Variants in TIAM2 observed in about 807,000 individuals in gnomAD.
The protein encoded by TIAM2 is rho guanine nucleotide exchange factor TIAM2.
A neutral mutation model predicts 152.9 loss-of-function variants in TIAM2; 80 were observed. The ratio of observed to expected loss-of-function variants is 0.52; its 90% CI spans 0.44 to 0.63. The LOEUF is 0.63. TIAM2 is among the 30% of genes least tolerant of loss of function. TIAM2 has a pLI of 0.00. For missense variants in TIAM2, 1,965 were observed against 2,120.1 expected, an observed-to-expected ratio of 0.93 and a Z score of 1.44; for synonymous variants, 804 against 838.0, an observed-to-expected ratio of 0.96 and a Z score of 0.70.
At chr6:155,025,434 G>C (rs1022446861) in intron 1 of TIAM2, among the ~76,000 whole-genome samples, 1 of 151,980 alleles carries the variant, frequency 6.6e-6, no homozygotes, top group Admixed American at 6.6e-5. Flanking sequence ...GCCCTCCTCA[G>C]CCTCCCAAAG....
intron 14 of TIAM2, among the ~76,000 whole-genome samples, chr6:155,192,919 C>T (rs1781243873): frequency 6.6e-6 from 1 of 152,190 alleles, no homozygotes; most frequent in Non-Finnish European, 1.5e-5. Context: ...AGGTTGGTTG[C>T]AATGCGGAAC....
chr6:155,182,212 G>C lies in TIAM2; in HGVS notation c.2708-14G>C, dbSNP rs762124280. The C allele has an allele frequency of 1.9e-6, 3 of 1,611,952 alleles. No individual in the cohort carries two copies. Among genetic ancestry groups the C allele is most frequent in the Non-Finnish European group, 2.5e-6 (3 of 1,178,586 alleles). On this transcript the variant is annotated splice_polypyrimidine_tract_variant and intron_variant, in intron 12 of 26. Transcript: ENST00000682666. ...GGGCTGAGACTTGCTTTTTCCTTTT[G>C]TTTTCATTCCTAGGGTTTGCAGTTA...
rs1222735907 is a variant in TIAM2, at chr6:155,214,699, G to A, written c.3168+3392G>A. On this transcript the variant is annotated intron_variant, in intron 15 of 26. Coordinates refer to ENST00000682666, the MANE Select transcript of TIAM2 (RefSeq NM_012454.4). This position sits in a 1 kb window ranked among gnomAD's most constrained non-coding sequence, Gnocchi z 5.4. ...TCTCTAGTGGGTTATTTAATTTTGG[G>A]AACCCAATATCATATCTAATGTTCA... Among the ~76,000 whole-genome samples, 3 of 152,138 alleles carry A rather than the reference G, an allele frequency of 2.0e-5. No individual in the cohort carries two copies. The South Asian group carries it at 6.2e-4, about 32-fold the overall frequency.
chr6:155,175,210 A>G (rs1054978788), intron 9 of TIAM2, among the ~76,000 whole-genome samples: 4 of 152,218 alleles, frequency 2.6e-5, no homozygotes, highest in Admixed American at 6.5e-5. Flanking sequence ...AAAGCGACAG[A>G]TCCAAGACAA....
At chr6:155,053,974 T>C (rs1007690051) in intron 1 of TIAM2, among the ~76,000 whole-genome samples, 1 of 151,992 alleles carries the variant, frequency 6.6e-6, no homozygotes, top group African/African-American at 2.4e-5. Flanking sequence ...GATCAGGAGT[T>C]TGAGACCAAC....
intron 1 of TIAM2, among the ~76,000 whole-genome samples, chr6:155,008,710 T>C (rs1188881398): frequency 6.6e-6 from 1 of 152,222 alleles, no homozygotes; most frequent in Non-Finnish European, 1.5e-5. Context: ...GCTCAGTGTC[T>C]GGAATGTACG....
chr6:155,070,782 G>T (rs1215734281), intron 1 of TIAM2, among the ~76,000 whole-genome samples: 1 of 152,162 alleles, frequency 6.6e-6, no homozygotes. Flanking sequence ...ACCCTGAGGT[G>T]GTGGTAGAGA....
chr6:155,020,523 G>A (rs1053406969), intron 1 of TIAM2, among the ~76,000 whole-genome samples: 5 of 151,928 alleles, frequency 3.3e-5, no homozygotes, highest in Non-Finnish European at 5.9e-5. Context: ...GTGCAGTGGC[G>A]CAATCTCAGC....
chr6:155,095,900 A>G (rs13203100), intron 2 of TIAM2, among the ~76,000 whole-genome samples: 51,058 of 152,032 alleles, frequency 0.34, 8,690 homozygotes, highest in Middle Eastern at 0.4. Flanking sequence ...AATGTTGTAA[A>G]CAGATGTACC....
At chr6:155,035,501 G>A (rs911788800) in intron 1 of TIAM2, among the ~76,000 whole-genome samples, 11 of 152,134 alleles carry the variant, frequency 7.2e-5, no homozygotes, top group African/African-American at 2.2e-4. Flanking sequence ...ATTAACAGGC[G>A]TGAGACTACC....
At chr6:155,016,706 C>T (rs1260380617) in intron 1 of TIAM2, among the ~76,000 whole-genome samples, 1 of 151,662 alleles carries the variant, frequency 6.6e-6, no homozygotes, top group South Asian at 2.1e-4. Context: ...CAAGACCAGC[C>T]TGGCCAACAT....
chr6:155,079,755 T>A (rs1778023366), intron 1 of TIAM2, among the ~76,000 whole-genome samples: 1 of 152,184 alleles, frequency 6.6e-6, no homozygotes, highest in African/African-American at 2.4e-5. Context: ...GAGACTAGCC[T>A]AGCTAACATG....
chr6:155,169,250 C>G (rs1009934396), intron 9 of TIAM2, among the ~76,000 whole-genome samples: 1 of 152,210 alleles, frequency 6.6e-6, no homozygotes, highest in Non-Finnish European at 1.5e-5. Context: ...CCACCTCGGC[C>G]TCCCAAAGTG....
rs562146299 is a variant in TIAM2, at chr6:155,187,898, G to A, written c.3064+4398G>A. Among the ~76,000 whole-genome samples the A allele has an allele frequency of 2.6e-5, 4 of 152,170 alleles. No homozygotes were observed. In the South Asian group the frequency reaches 8.3e-4, roughly 32 times the overall value. Reference sequence around the variant, plus strand: ...CGGCCGCAAGCCCCATTTTTAACTTGCGCAGGTGTGGAAAGCAGCCTTGGA... The same window carrying A: ...CGGCCGCAAGCCCCATTTTTAACTTACGCAGGTGTGGAAAGCAGCCTTGGA... On this transcript the variant is annotated intron_variant, in intron 14 of 26. Coordinates refer to ENST00000682666, the MANE Select transcript of TIAM2 (RefSeq NM_012454.4).
In TIAM2 at chr6:155,129,974, G is replaced by A. The variant is rs151266968; in HGVS notation, c.751G>A (p.Asp251Asn). 29 of 1,614,082 alleles carry A rather than the reference G, an allele frequency of 1.8e-5. No individual in the cohort carries two copies. In the African/African-American group the frequency reaches 2.8e-4, roughly 16 times the overall value. The change falls in exon 4 of 27, where the codon GAC (aspartate) becomes AAC (asparagine). Residue 251 changes from aspartate (D) to asparagine (N), a missense_variant. Asp to Asn is a conservative substitution (Grantham distance 23). Around this residue, in one of 3 missense-constraint regions of TIAM2, gnomAD observed 1,025 missense variants for 1,119.4 expected, o/e 0.92. Coordinates refer to ENST00000682666, the MANE Select transcript of TIAM2 (RefSeq NM_012454.4). This position sits in a 1 kb window ranked among gnomAD's most constrained non-coding sequence, Gnocchi z 4.8. ...CCTGAGTTCTGAGTCATCCTGGTAC[G>A]ACTCCCCTTGGGGCAATGCTGGAGA... The part of the protein sequence containing the change: ...SSLSSESSWY[D>N]SPWGNAGELS...
chr6:155,227,745 C>T (rs566460063), intron 15 of TIAM2, among the ~76,000 whole-genome samples: 12 of 152,238 alleles, frequency 7.9e-5, no homozygotes, highest in Admixed American at 5.2e-4. Context: ...GTTACACCCC[C>T]GTCGACAAGA....
chr6:155,164,307 C>T (rs1025206670), intron 7 of TIAM2, 108 bp from the exon 8 acceptor site: 23 of 1,054,846 alleles, frequency 2.2e-5, no homozygotes, highest in Middle Eastern at 3.0e-4. Context: ...ACCATGCAGA[C>T]CAGCCGAAAC....
At chr6:155,182,120 T>C (rs1347693748) in intron 12 of TIAM2, 106 bp from the exon 13 acceptor site, 29 of 899,752 alleles carry the variant, frequency 3.2e-5, no homozygotes, top group Middle Eastern at 2.2e-4. Flanking sequence ...TTTCTCAACA[T>C]ACTGTACTTA....
At chr6:155,237,436 A>T (rs1782823785) in intron 15 of TIAM2, among the ~76,000 whole-genome samples, 1 of 152,168 alleles carries the variant, frequency 6.6e-6, no homozygotes, top group Non-Finnish European at 1.5e-5. Context: ...GCTCTGGAGG[A>T]TGGTGGCCCT....
Sources: allele counts gnomAD v4.1 joint callset (sites outside exome capture counted in the v4.1 genomes callset), GRCh38; gene constraint gnomAD v4.1.1; regional missense constraint gnomAD v4.1.1; non-coding constraint Gnocchi (gnomAD v3.1); transcripts MANE v1.5; gene names NCBI Gene and HGNC (gene_info 2026-07-23, HGNC 2026-07-21).